The following MMP16 variants were observed in gnomAD, a reference collection of about 807,000 sequenced individuals.
MMP16 encodes the protein matrix metalloproteinase-16.
MMP16 carries 12 observed loss-of-function variants against 67.8 expected under a neutral mutation model. The observed-to-expected ratio is 0.18, with a 90% CI of 0.11 to 0.29. The LOEUF (loss-of-function observed/expected upper bound fraction) is 0.29. MMP16 is among the 10% of genes least tolerant of loss of function. The pLI, the probability that MMP16 is intolerant of heterozygous loss-of-function variation, is 1.00. For synonymous variants in MMP16, 249 were observed against 255.9 expected (o/e 0.97, Z 0.26); for missense variants, 475 against 765.7 (o/e 0.62, Z 4.48).
intron 1 of MMP16, among the ~76,000 whole-genome samples, chr8:88,297,813 A>T (rs960257574): frequency 6.6e-6 from 1 of 152,178 alleles, no homozygotes; most frequent in Non-Finnish European, 1.5e-5. Flanking sequence ...TAACAAATAC[A>T]CCTCAGAGAG....
At chr8:88,153,416 T>C (rs1253667583) in intron 4 of MMP16, among the ~76,000 whole-genome samples, 1 of 152,198 alleles carries the variant, frequency 6.6e-6, no homozygotes, top group Non-Finnish European at 1.5e-5. Flanking sequence ...AAGTCAACCC[T>C]AAGCCAAAAG....
At position 88,294,832 on chromosome 8, in the gene MMP16, C is replaced by A. The variant is rs189084720; in HGVS notation, c.132+32243G>T. ...GGTTCATGTTAGTCTCCTGCTTCAG[C>A]CTCCTGAGAAGCTGGGATTACAGGT... On this transcript the variant is annotated intron_variant, in intron 1 of 9. Coordinates refer to ENST00000286614, the MANE Select transcript of MMP16 (RefSeq NM_005941.5). Among the ~76,000 whole-genome samples the A allele has an allele frequency of 8.2e-4, 125 of 152,272 alleles. 1 individual carries two copies. The highest frequency in any genetic ancestry group is 4.1e-3 in the South Asian group (20 of 4,820).
At chr8:88,164,086 A>G (rs1428940130) in intron 4 of MMP16, among the ~76,000 whole-genome samples, 1 of 152,104 alleles carries the variant, frequency 6.6e-6, no homozygotes, top group Non-Finnish European at 1.5e-5. Flanking sequence ...GCAGCCTAAG[A>G]CACTGTTTAT....
At chr8:88,215,576 T>C (rs141224544) in intron 1 of MMP16, among the ~76,000 whole-genome samples, 313 of 152,086 alleles carry the variant, frequency 2.1e-3, no homozygotes, top group Non-Finnish European at 3.6e-3. Context: ...CTAACCTCAA[T>C]GCCGTTCTCT....
At chr8:88,264,425 T>A (rs148572737) in intron 1 of MMP16, among the ~76,000 whole-genome samples, 11 of 152,300 alleles carry the variant, frequency 7.2e-5, no homozygotes, top group African/African-American at 2.2e-4. Context: ...TATCTCTAAC[T>A]CCTGGCCTGA....
At chr8:88,287,423 C>T (rs1810849449) in intron 1 of MMP16, among the ~76,000 whole-genome samples, 2 of 152,286 alleles carry the variant, frequency 1.3e-5, no homozygotes, top group Middle Eastern at 3.4e-3. Flanking sequence ...ACTGCTAGAT[C>T]AAAGTTATGA....
At chr8:88,215,226 A>T (rs1315999397) in intron 1 of MMP16, among the ~76,000 whole-genome samples, 1 of 151,892 alleles carries the variant, frequency 6.6e-6, no homozygotes, top group African/African-American at 2.4e-5. Context: ...GCTACTCAGG[A>T]GGCTGAGGCA....
chr8:88,133,904 C>T (rs1299127479), intron 4 of MMP16, among the ~76,000 whole-genome samples: 1 of 151,334 alleles, frequency 6.6e-6, no homozygotes, highest in Non-Finnish European at 1.5e-5. Flanking sequence ...CAAGTTGAAA[C>T]ATATAAAAAA....
In MMP16 at chr8:88,327,257, T is replaced by C; in HGVS notation, c.-51A>G. 6.2e-7 allele frequency: 1 copy of C among 1,607,646 alleles called. No individual in the cohort carries two copies. Among genetic ancestry groups the C allele is most frequent in the Non-Finnish European group, 8.5e-7 (1 of 1,175,796 alleles). On this transcript the variant is annotated 5_prime_UTR_variant, in exon 1 of 10. Transcript: ENST00000286614. ...CGAGCTCCCCTTCGTTTTCTCCCTC[T>C]CTCCCTCTCCCTCCCTCCCTCGTTT...
intron 2 of MMP16, among the ~76,000 whole-genome samples, chr8:88,187,229 G>A (rs963541002): frequency 2.0e-5 from 3 of 152,032 alleles, no homozygotes; most frequent in African/African-American, 7.2e-5. Flanking sequence ...CTGAATATGA[G>A]GTTTTGCACT....
chr8:88,154,427 T>C (rs1472460231), intron 4 of MMP16, among the ~76,000 whole-genome samples: 3 of 141,660 alleles, frequency 2.1e-5, no homozygotes, highest in African/African-American at 7.9e-5. Flanking sequence ...CGTATGTTTA[T>C]TGCGGCATTA....
chr8:88,291,732 C>T (rs965697251), intron 1 of MMP16, among the ~76,000 whole-genome samples: 1 of 151,874 alleles, frequency 6.6e-6, no homozygotes, highest in Admixed American at 6.6e-5. Flanking sequence ...TGTAGAATAA[C>T]GATTAGTAAT....
In MMP16 at chr8:88,233,023, T is replaced by C. The variant is rs1281446531; in HGVS notation, c.133-35717A>G. On this transcript the variant is annotated intron_variant, in intron 1 of 9. Coordinates refer to ENST00000286614, the MANE Select transcript of MMP16 (RefSeq NM_005941.5). ...TGGCTCTCCCACTTATTATAACACC[T>C]GTGTGACTTTGAGCAACTTACTTAG... Among the ~76,000 whole-genome samples the C allele has an allele frequency of 5.3e-5, 8 of 152,306 alleles. No individual in the cohort carries two copies. In the East Asian group the frequency reaches 1.2e-3, roughly 22 times the overall value.
intron 7 of MMP16, among the ~76,000 whole-genome samples, chr8:88,057,387 A>G (rs900505011): frequency 1.3e-5 from 2 of 152,068 alleles, no homozygotes; most frequent in Admixed American, 6.6e-5. Flanking sequence ...TAATATTAAG[A>G]TATTTCCATA....
intron 1 of MMP16, among the ~76,000 whole-genome samples, chr8:88,290,318 C>T (rs1241090676): frequency 1.3e-5 from 2 of 151,958 alleles, no homozygotes; most frequent in East Asian, 1.9e-4. Flanking sequence ...CTTGGGAGGC[C>T]GAGGCGGGTG....
intron 1 of MMP16, among the ~76,000 whole-genome samples, chr8:88,199,691 T>A (rs750674514): frequency 6.6e-6 from 1 of 152,022 alleles, no homozygotes; most frequent in Non-Finnish European, 1.5e-5. Context: ...AAAAATAAAT[T>A]TTGAGATATA....
At chr8:88,213,771 A>G (rs1430298555) in intron 1 of MMP16, among the ~76,000 whole-genome samples, 1 of 152,196 alleles carries the variant, frequency 6.6e-6, no homozygotes, top group Non-Finnish European at 1.5e-5. Flanking sequence ...GCAGTCTAGA[A>G]AAAGGAGTAA....
intron 8 of MMP16, among the ~76,000 whole-genome samples, chr8:88,050,054 G>A (rs1808250306): frequency 6.6e-6 from 1 of 151,700 alleles, no homozygotes; most frequent in Non-Finnish European, 1.5e-5. Flanking sequence ...AGGCATGGTG[G>A]CTCACACCTG....
At chr8:88,226,115 A>G (rs963725823) in intron 1 of MMP16, among the ~76,000 whole-genome samples, 2 of 152,048 alleles carry the variant, frequency 1.3e-5, no homozygotes, top group Non-Finnish European at 2.9e-5. Context: ...ATACACACAC[A>G]CGCACACACA....
Sources: gnomAD v4.1 joint callset for allele counts (sites outside exome capture counted in the v4.1 genomes callset) on GRCh38, gnomAD v4.1.1 for gene constraint, MANE v1.5 for transcripts, NCBI Gene and HGNC (gene_info 2026-07-23, HGNC 2026-07-21) for gene names.